DSCAML1: variants seen among roughly 807,000 people sequenced by gnomAD.
DSCAML1 encodes the protein DS cell adhesion molecule like 1, also known as cell adhesion molecule DSCAML1.
DSCAML1 carries 38 observed loss-of-function variants against 200.5 expected under a neutral mutation model. That is an observed-to-expected ratio of 0.19 (90% CI 0.15 to 0.25). DSCAML1 has a LOEUF of 0.25. DSCAML1 is among the 10% of genes least tolerant of loss of function. The pLI is 1.00. For synonymous variants in DSCAML1, 1,215 were observed against 1,165.0 expected (o/e 1.04, Z -0.87); for missense variants, 2,223 against 2,858.8 (o/e 0.78, Z 5.07).
chr11:117,444,585 C>T (rs1487003241), intron 20 of DSCAML1, among the ~76,000 whole-genome samples: 1 of 152,182 alleles, frequency 6.6e-6, no homozygotes, highest in Non-Finnish European at 1.5e-5. Flanking sequence ...ACTATGAAAG[C>T]TTTACTGGGT....
At chr11:117,433,068 G>T in intron 29 of DSCAML1, 70 bp downstream of exon 29, 3 of 1,396,294 alleles carry the variant, frequency 2.1e-6, no homozygotes, top group South Asian at 2.4e-5. Context: ...GTTGGTGTTT[G>T]ACTTCCATGG....
rs763188600 is a variant in DSCAML1 at position 117,503,951 on chromosome 11, C to T, written c.2253G>A (p.Ser751=). ...TGRIQILPNS[S]LLIRHVLEED... The stretch of plus-strand genomic sequence containing the variant: ...CTTCTAGGACGTGGCGGATCAGCAG[C>T]GAGCTGTTGGGCAGGATCTGGATGC... The change falls in exon 11 of 33, where the codon TCG becomes TCA. Residue 751 remains serine, a synonymous_variant. Transcript: ENST00000651296. This position sits in a 1 kb window ranked among gnomAD's most constrained non-coding sequence, Gnocchi z 5.2. 33 of 1,613,936 alleles carry T rather than the reference C, an allele frequency of 2.0e-5. No individual in the cohort carries two copies. Among genetic ancestry groups the T allele is most frequent in the Middle Eastern group, 3.3e-4 (2 of 6,082 alleles).
chr11:117,493,400 TC>T (rs1329806051), intron 11 of DSCAML1, among the ~76,000 whole-genome samples: 3 of 149,382 alleles, frequency 2.0e-5, no homozygotes, highest in African/African-American at 5.0e-5. Flanking sequence ...CACTGCAACC[TC>T]CCCCTCCCGG....
chr11:117,722,266 G>C (rs1043824168), intron 3 of DSCAML1, among the ~76,000 whole-genome samples: 6 of 147,006 alleles, frequency 4.1e-5, no homozygotes, highest in Admixed American at 6.8e-5. Flanking sequence ...GTCAGGCACA[G>C]AAAGATAAAT....
Position 117,469,826 on chromosome 11 carries a change from C to G in DSCAML1, c.3024+84G>C, listed in dbSNP as rs2048649829. 3 of 1,300,578 alleles carry G rather than the reference C, an allele frequency of 2.3e-6. No individual in the cohort carries two copies. The Admixed American group carries it at 6.4e-5, about 28-fold the overall frequency. 80.6% of individuals were successfully genotyped at this position (1,300,578 alleles called of 1,614,324 possible). ...GGCATCATATAAGACTAGAGACTAG[C>G]AAGCCTGCTGGGAGCTTTCGTCCTG... On this transcript the variant is annotated intron_variant, in intron 16 of 32. Coordinates refer to ENST00000651296, the MANE Select transcript of DSCAML1 (RefSeq NM_020693.4). The surrounding 1 kb of genome is among the most constrained non-coding windows in gnomAD (Gnocchi z 4.1).
chr11:117,484,886 A>AGT (rs55850829), intron 11 of DSCAML1, among the ~76,000 whole-genome samples: 4,686 of 119,024 alleles, frequency 0.039, 86 homozygotes, highest in Non-Finnish European at 0.044. Flanking sequence ...GCAGAGGAAC[A>AGT]GTGTGTGTGT....
chr11:117,713,956 G>A (rs1287950852), intron 3 of DSCAML1, among the ~76,000 whole-genome samples: 1 of 152,228 alleles, frequency 6.6e-6, no homozygotes, highest in Non-Finnish European at 1.5e-5. Flanking sequence ...ACCATGGTTA[G>A]AGCACTGTGG....
In DSCAML1 at chr11:117,430,756, G is replaced by A. The variant is rs544566082; in HGVS notation, c.5652C>T (p.Asn1884=). 1.4e-5 allele frequency: 23 copies of A among 1,613,934 alleles called. No individual in the cohort carries two copies. The highest frequency in any genetic ancestry group is 2.2e-5 in the South Asian group (2 of 91,060). ...PKPQDADRGK[N]VAVPIPHRAN... ...CCCGGTGAGGGATGGGCACAGCCAC[G>A]TTTTTGCCCCGGTCCGCATCCTGGG... The change falls in exon 32 of 33, where the codon AAC becomes AAT. Residue 1884 remains asparagine (N), a synonymous_variant. Transcript: ENST00000651296.
At chr11:117,527,487 G>A (rs7940527) in intron 4 of DSCAML1, among the ~76,000 whole-genome samples, 2 of 152,030 alleles carry the variant, frequency 1.3e-5, no homozygotes, top group Non-Finnish European at 2.9e-5. Context: ...ATGGGCAGGC[G>A]AGTAGTCTGA....
intron 11 of DSCAML1, among the ~76,000 whole-genome samples, chr11:117,494,024 G>T (rs1487157471): frequency 6.6e-6 from 1 of 152,192 alleles, no homozygotes; most frequent in Non-Finnish European, 1.5e-5. Context: ...CATGGCTAAT[G>T]CTGTACATGA....
chr11:117,494,112 A>ATT (rs2049245595), intron 11 of DSCAML1, among the ~76,000 whole-genome samples: 1 of 152,256 alleles, frequency 6.6e-6, no homozygotes, highest in Non-Finnish European at 1.5e-5. Context: ...TTTAGACATG[A>ATT]GAAAAATGAC....
intron 20 of DSCAML1, among the ~76,000 whole-genome samples, chr11:117,447,075 G>A (rs1401442195): frequency 6.6e-6 from 1 of 152,138 alleles, no homozygotes; most frequent in South Asian, 2.1e-4. Flanking sequence ...GGATCACTGA[G>A]GTCAGGAGTT....
At chr11:117,532,350 C>A in intron 4 of DSCAML1, 26 bp downstream of exon 4, 1 of 1,606,002 alleles carries the variant, frequency 6.2e-7, no homozygotes, top group Non-Finnish European at 8.5e-7. Context: ...CAGCCTGCCC[C>A]GTTCTCCCCA....
At chr11:117,436,057 C>T (rs1454747523) in intron 26 of DSCAML1, among the ~76,000 whole-genome samples, 1 of 152,170 alleles carries the variant, frequency 6.6e-6, no homozygotes, top group African/African-American at 2.4e-5. Flanking sequence ...CCTAAAGTCT[C>T]CTGGAGTTAG....
Position 117,695,494 on chromosome 11 carries a change from G to A in DSCAML1, c.511+81297C>T, listed in dbSNP as rs563750090. Reference sequence around the variant, plus strand: ...AGGTAAGCTTGTCCAGAGAGCACACGTAGAACAAGACAAGAGAGCTCAGGC... The same window carrying A: ...AGGTAAGCTTGTCCAGAGAGCACACATAGAACAAGACAAGAGAGCTCAGGC... On this transcript the variant is annotated intron_variant, in intron 3 of 32. Transcript: ENST00000651296. Among the ~76,000 whole-genome samples, 128 of 152,128 alleles carry A rather than the reference G, an allele frequency of 8.4e-4. 1 individual carries two copies. The highest frequency in any genetic ancestry group is 3.4e-3 in the Middle Eastern group (1 of 294).
chr11:117,541,839 C>T lies in DSCAML1; in HGVS notation c.512-9317G>A, dbSNP rs2137367449. ...GGAACAGACACTCCCTCAGTAGCAT[C>T]CCGGCTTCTGTGTCCCTCTCCGACT... is the stretch of plus-strand genomic sequence containing the variant. On this transcript the variant is annotated intron_variant, in intron 3 of 32. Transcript: ENST00000651296. Among the ~76,000 whole-genome samples, 2 of 151,950 alleles carry T rather than the reference C, an allele frequency of 1.3e-5. 1 individual carries two copies. The highest frequency in any genetic ancestry group is 4.2e-4 in the South Asian group (2 of 4,796).
chr11:117,535,899 G>T (rs1211500077), intron 3 of DSCAML1, among the ~76,000 whole-genome samples: 3 of 115,830 alleles, frequency 2.6e-5, no homozygotes, highest in Non-Finnish European at 5.1e-5. Flanking sequence ...TTAAACTAGG[G>T]GTGGGGGGTG....
chr11:117,574,353 G>A (rs1436989776), intron 3 of DSCAML1, among the ~76,000 whole-genome samples: 1 of 152,184 alleles, frequency 6.6e-6, no homozygotes, highest in African/African-American at 2.4e-5. Flanking sequence ...GAGATTAGGT[G>A]GAGGGTTCCT....
chr11:117,476,528 A>G (rs2048795817), intron 14 of DSCAML1, among the ~76,000 whole-genome samples: 1 of 152,110 alleles, frequency 6.6e-6, no homozygotes, highest in Admixed American at 6.5e-5. Context: ...AGCTCACCCC[A>G]TGGTGGCCGG....
Sources: allele counts gnomAD v4.1 joint callset (sites outside exome capture counted in the v4.1 genomes callset), GRCh38; gene constraint gnomAD v4.1.1; non-coding constraint Gnocchi (gnomAD v3.1); transcripts MANE v1.5; gene names NCBI Gene and HGNC (gene_info 2026-07-23, HGNC 2026-07-21).